Variants in AKAP11 observed in about 807,000 individuals in gnomAD.
AKAP11 encodes A-kinase anchor protein 11.
Under a neutral mutation model 146.1 loss-of-function variants are expected in AKAP11, and 36 were observed. The observed-to-expected ratio is 0.25, with a 90% CI of 0.19 to 0.33. The LOEUF (loss-of-function observed/expected upper bound fraction) is 0.33, where lower values mean the gene tolerates loss of function less well. Ranked by LOEUF, AKAP11 falls within the 10% of genes least tolerant of loss-of-function variation. The pLI, the probability that AKAP11 is intolerant of heterozygous loss-of-function variation, is 1.00. For missense variants in AKAP11, 2,201 were observed against 2,197.0 expected (o/e 1.00, Z -0.04); for synonymous variants, 780 against 786.5 (o/e 0.99, Z 0.14).
At chr13:42,289,477 T>C (rs1382137275) in intron 3 of AKAP11, among the ~76,000 whole-genome samples, 1 of 152,198 alleles carries the variant, frequency 6.6e-6, no homozygotes, top group Non-Finnish European at 1.5e-5. Flanking sequence ...CATTAATTCA[T>C]CTATGTAAGT....
In AKAP11 at chr13:42,300,719, G is replaced by T. The variant is rs1027171450; in HGVS notation, c.1973G>T (p.Gly658Val). The change falls in exon 8 of 13, where the codon GGC becomes GTC. Residue 658 changes from glycine to valine, a missense_variant. Around this residue, in one of 3 missense-constraint regions of AKAP11, gnomAD observed 1,867 missense variants for 1,833.5 expected, o/e 1.02. Transcript: ENST00000025301. The stretch of plus-strand genomic sequence containing the variant: ...CTTGCTGAAGAGCTTGTTTTTGAAG[G>T]CATCATGGAGGTGTGTCAGTTTTCA... ...ADLAEELVFE[G>V]IMEVCQFSYP... The T allele has an allele frequency of 1.2e-6, 2 of 1,614,056 alleles. No individual in the cohort carries two copies. Among genetic ancestry groups the T allele is most frequent in the Admixed American group, 1.7e-5 (1 of 60,010 alleles).
At chr13:42,317,186 A>G (rs1412715170) in intron 11 of AKAP11, among the ~76,000 whole-genome samples, 1 of 152,038 alleles carries the variant, frequency 6.6e-6, no homozygotes, top group Admixed American at 6.6e-5. Flanking sequence ...CCTCATTTTT[A>G]TTTTTATTGT....
intron 9 of AKAP11, among the ~76,000 whole-genome samples, chr13:42,309,739 A>G (rs1290772674): frequency 6.6e-6 from 1 of 152,202 alleles, no homozygotes; most frequent in Non-Finnish European, 1.5e-5. Context: ...CTTTTCTATA[A>G]CTTTATCTAG....
chr13:42,299,199 A>T (rs537657515), intron 7 of AKAP11, among the ~76,000 whole-genome samples, 164 bp from the exon 8 acceptor site: 26 of 152,326 alleles, frequency 1.7e-4, no homozygotes, highest in Admixed American at 5.2e-4. Context: ...TATAAACAGT[A>T]TATTTACTTT....
intron 1 of AKAP11, among the ~76,000 whole-genome samples, chr13:42,277,205 C>G (rs1826757411): frequency 1.3e-5 from 2 of 152,220 alleles, no homozygotes; most frequent in Non-Finnish European, 2.9e-5. Context: ...CAGATGCACA[C>G]TCAATAGTGA....
At chr13:42,274,772 A>G (rs1004580406) in intron 1 of AKAP11, among the ~76,000 whole-genome samples, 2 of 152,238 alleles carry the variant, frequency 1.3e-5, no homozygotes, top group Non-Finnish European at 2.9e-5. Flanking sequence ...AAAAGTTATC[A>G]TTTTTAGAAT....
At chr13:42,314,610 A>G (rs998372545) in intron 11 of AKAP11, among the ~76,000 whole-genome samples, 4 of 152,160 alleles carry the variant, frequency 2.6e-5, no homozygotes, top group Non-Finnish European at 4.4e-5. Flanking sequence ...TATTATTTTC[A>G]TAATATTTTC....
At chr13:42,304,353 T>C (rs1160139126) in intron 8 of AKAP11, among the ~76,000 whole-genome samples, 1 of 152,230 alleles carries the variant, frequency 6.6e-6, no homozygotes, top group African/African-American at 2.4e-5. Flanking sequence ...AGTTTATCCA[T>C]ACTACATGTG....
rs774150078 is a variant in AKAP11 at position 42,301,064 on chromosome 13, C to G, written c.2318C>G (p.Thr773Ser). The G allele has an allele frequency of 3.1e-6, 5 of 1,614,084 alleles. No homozygotes were observed. Among genetic ancestry groups the G allele is most frequent in the Non-Finnish European group, 3.4e-6 (4 of 1,179,960 alleles). The change falls in exon 8 of 13, where the codon ACT becomes AGT. Residue 773 changes from threonine to serine, a missense_variant. This residue lies in a region of AKAP11 where 1,867 missense variants were observed against 1,833.5 expected (regional missense o/e 1.02). Coordinates refer to ENST00000025301, the MANE Select transcript of AKAP11 (RefSeq NM_016248.4). ...ACAGTGCAGCAGGCCTTGTTTTGTA[C>G]TTCTGGAATTGTTACTTCTATACCG... ...EYTVQQALFC[T>S]SGIVTSIPVP...
chr13:42,297,163 G>T lies in AKAP11; in HGVS notation c.332G>T (p.Ser111Ile). The stretch of plus-strand genomic sequence containing the variant: ...AATATAAATAAACCATTAGATATAA[G>T]CAGTGATCCTCTAAATCAGGTAACT... Reference protein sequence around the residue: ...MKNINKPLDISSDPLNQSHPS... With the variant: ...MKNINKPLDIISDPLNQSHPS... Residue 111 changes from serine to isoleucine, a missense_variant, in exon 6 of 13, where the codon AGC (serine) becomes ATC (isoleucine). Physicochemically the swap from Ser to Ile is moderately radical, Grantham distance 142 (BLOSUM62 -2). Coordinates refer to ENST00000025301, the MANE Select transcript of AKAP11 (RefSeq NM_016248.4). 6.7e-7 allele frequency: 1 copy of T among 1,494,316 alleles called. No individual in the cohort carries two copies. The highest frequency in any genetic ancestry group is 9.0e-7 in the Non-Finnish European group (1 of 1,116,240). 92.6% of individuals were successfully genotyped at this position (1,494,316 alleles called of 1,614,324 possible). A position where few individuals can be genotyped will look rare whatever the true frequency, so the allele number is the denominator to read the frequency against.
At chr13:42,274,594 G>A (rs1017267440) in intron 1 of AKAP11, among the ~76,000 whole-genome samples, 3 of 152,184 alleles carry the variant, frequency 2.0e-5, no homozygotes, top group African/African-American at 7.2e-5. Context: ...TGAGGCACAA[G>A]AATCGCTTGA....
Position 42,287,942 on chromosome 13 carries a change from T to A in AKAP11, c.51+1543T>A, listed in dbSNP as rs373297964. Among the ~76,000 whole-genome samples, 19 of 152,328 alleles carry A rather than the reference T, an allele frequency of 1.2e-4. No individual in the cohort carries two copies. The East Asian group carries it at 2.3e-3, about 19-fold the overall frequency. ...TCATACTATTATTACCAGGTTAGTGTCTTTTGTTATTCAACGTATTGTCCA... is the reference window on the plus strand; with the variant it reads ...TCATACTATTATTACCAGGTTAGTGACTTTTGTTATTCAACGTATTGTCCA... On this transcript the variant is annotated intron_variant, in intron 3 of 12. Transcript: ENST00000025301.
chr13:42,300,218 A>G lies in AKAP11; in HGVS notation c.1472A>G (p.Tyr491Cys), dbSNP rs1315533832. 6.8e-6 allele frequency: 11 copies of G among 1,613,962 alleles called. No homozygotes were observed. The highest frequency in any genetic ancestry group is 4.5e-5 in the East Asian group (2 of 44,892). The change falls in exon 8 of 13, where the codon TAT (tyrosine) becomes TGT (cysteine). Residue 491 changes from tyrosine to cysteine, a missense_variant. Coordinates refer to ENST00000025301, the MANE Select transcript of AKAP11 (RefSeq NM_016248.4). ...HDSVYYTYEDYAKSISCEVLG... is the reference protein window; with the variant it reads ...HDSVYYTYEDCAKSISCEVLG... The stretch of plus-strand genomic sequence containing the variant: ...TCTGTTTATTACACCTATGAAGACT[A>G]TGCAAAAAGCATTTCATGTGAAGTA...
chr13:42,271,573 A>G (rs1958768542), upstream of AKAP11, among the ~76,000 whole-genome samples: 1 of 152,222 alleles, frequency 6.6e-6, no homozygotes, highest in African/African-American at 2.4e-5. Context: ...TTCGGAAGAA[A>G]GCAAAACTAG....
At chr13:42,286,575 A>G (rs1434007826) in intron 3 of AKAP11, among the ~76,000 whole-genome samples, 176 bp downstream of exon 3, 2 of 152,204 alleles carry the variant, frequency 1.3e-5, no homozygotes, top group South Asian at 2.1e-4. Flanking sequence ...TCATGATTAC[A>G]GTGATTTTAT....
At chr13:42,292,057 A>G (rs1033842719) in intron 3 of AKAP11, among the ~76,000 whole-genome samples, 1 of 152,196 alleles carries the variant, frequency 6.6e-6, no homozygotes, top group African/African-American at 2.4e-5. Flanking sequence ...GTTCTACGCC[A>G]GTGACTTGGA....
At chr13:42,288,173 C>A (rs974447679) in intron 3 of AKAP11, among the ~76,000 whole-genome samples, 3 of 152,076 alleles carry the variant, frequency 2.0e-5, no homozygotes, top group African/African-American at 7.2e-5. Flanking sequence ...TACTTGAATT[C>A]TTTAGATTTC....
chr13:42,291,292 G>A (rs1054615976), intron 3 of AKAP11, among the ~76,000 whole-genome samples: 9 of 152,034 alleles, frequency 5.9e-5, no homozygotes, highest in African/African-American at 9.7e-5. Flanking sequence ...TCACTCTGTC[G>A]CCCAGGCTGG....
intron 9 of AKAP11, among the ~76,000 whole-genome samples, chr13:42,310,508 A>T (rs779435483): frequency 1.3e-5 from 2 of 152,170 alleles, no homozygotes; most frequent in Admixed American, 6.5e-5. Context: ...ATGACAATTG[A>T]TATCTATACT....
Sources: allele counts gnomAD v4.1 joint callset (sites outside exome capture counted in the v4.1 genomes callset), GRCh38; gene constraint gnomAD v4.1.1; regional missense constraint gnomAD v4.1.1; transcripts MANE v1.5; gene names NCBI Gene and HGNC (gene_info 2026-07-23, HGNC 2026-07-21).